The following RND2 variants were observed in gnomAD, a reference collection of about 807,000 sequenced individuals.
RND2 encodes the protein Rho family GTPase 2, also known as rho-related GTP-binding protein RhoN.
Under a neutral mutation model 25.9 loss-of-function variants are expected in RND2, and 16 were observed. The observed-to-expected ratio is 0.62, with a 90% CI of 0.42 to 0.94. The LOEUF (loss-of-function observed/expected upper bound fraction) is 0.94, where lower values mean the gene tolerates loss of function less well. Among genes scored for constraint, RND2 ranks in the 40% least tolerant of loss-of-function variants. The pLI is 0.00. For missense variants in RND2, 276 were observed against 305.5 expected (o/e 0.90, Z 0.72); for synonymous variants, 97 against 118.1 (o/e 0.82, Z 1.16).
Position 43,025,237 on chromosome 17 carries a change from C to T in RND2, c.-111C>T, listed in dbSNP as rs894753231. ...CCCGGGGCGGGGGCTCGGCGCGGGC[C>T]CGCGAGATGCCGGTGTTGGCGGCCC... On this transcript the variant is annotated 5_prime_UTR_variant, in exon 1 of 5. Transcript: ENST00000587250. 84 of 899,744 alleles carry T rather than the reference C, an allele frequency of 9.3e-5. No individual in the cohort carries two copies. The highest frequency in any genetic ancestry group is 1.2e-4 in the Non-Finnish European group (83 of 698,680). The allele number at this position is 899,744 out of a possible 1,614,324, so 55.7% of individuals were successfully genotyped here. A position where few individuals can be genotyped will look rare whatever the true frequency, so the allele number is the denominator to read the frequency against.
Position 43,025,960 on chromosome 17 carries a change from A to T in RND2, c.103A>T (p.Ser35Cys), listed in dbSNP as rs933623795. ...CATCTGGATCCATCCGTGTCTGCAGAGTTATGTCCCCACCGTGTTTGAGAA... is the reference window on the plus strand; with the variant it reads ...CATCTGGATCCATCCGTGTCTGCAGTGTTATGTCCCCACCGTGTTTGAGAA... ...QVFAKDAYPG[S>C]YVPTVFENYT... is the part of the protein sequence containing the mutation. The change falls in exon 2 of 5, where the codon AGT becomes TGT. Residue 35 changes from serine to cysteine, a missense_variant and splice_region_variant. Physicochemically the swap from Ser to Cys is moderately radical, Grantham distance 112. Transcript: ENST00000587250. 1.9e-6 allele frequency: 3 copies of T among 1,609,908 alleles called. No homozygotes were observed. In the African/African-American group the frequency reaches 4.0e-5, roughly 22 times the overall value.
rs1439263602 is a variant in RND2 at position 43,031,058 on chromosome 17, C to T, written c.*2378C>T. On this transcript the variant is annotated 3_prime_UTR_variant, in exon 5 of 5. Transcript: ENST00000587250. Reference sequence around the variant, plus strand: ...ATCGCTTGAGGCCAGGAGTTAGAGACTGCAGTGAGCTATGATCATGCCATT... The same window carrying T: ...ATCGCTTGAGGCCAGGAGTTAGAGATTGCAGTGAGCTATGATCATGCCATT... 1 of 152,142 alleles carries T rather than the reference C, an allele frequency of 6.6e-6. No homozygotes were observed. The highest frequency in any genetic ancestry group is 2.4e-5 in the African/African-American group (1 of 41,406). 9.4% of individuals were successfully genotyped at this position (152,142 alleles called of 1,614,324 possible).
rs899734979 is a variant in RND2, at chr17:43,031,130, T to C, written c.*2450T>C. The C allele has an allele frequency of 6.6e-6, 1 of 151,754 alleles. No homozygotes were observed. Among genetic ancestry groups the C allele is most frequent in the Non-Finnish European group, 1.5e-5 (1 of 67,918 alleles). The allele number at this position is 151,754 out of a possible 1,614,324, so 9.4% of individuals were successfully genotyped here. A position where few individuals can be genotyped will look rare whatever the true frequency, so the allele number is the denominator to read the frequency against. Reference sequence around the variant, plus strand: ...AGTGAGACCCTGTCTCTAAAAAAAATTAAAAAATAAAAAATAAAAAATAGC... The same window carrying C: ...AGTGAGACCCTGTCTCTAAAAAAAACTAAAAAATAAAAAATAAAAAATAGC... On this transcript the variant is annotated 3_prime_UTR_variant, in exon 5 of 5. Coordinates refer to ENST00000587250, the MANE Select transcript of RND2 (RefSeq NM_005440.5).
In RND2 at chr17:43,028,884, G is replaced by C; in HGVS notation, c.*204G>C. On this transcript the variant is annotated 3_prime_UTR_variant, in exon 5 of 5. Coordinates refer to ENST00000587250, the MANE Select transcript of RND2 (RefSeq NM_005440.5). ...CCTCCTCTTCTCCAGTGGATGTTGA[G>C]GGAGCTAACAGGGCTGGCATCTGGG... 1 of 753,372 alleles carries C rather than the reference G, an allele frequency of 1.3e-6. No individual in the cohort carries two copies. Among genetic ancestry groups the C allele is most frequent in the Non-Finnish European group, 2.1e-6 (1 of 483,446 alleles). The allele number at this position is 753,372 out of a possible 1,614,324, so 46.7% of individuals were successfully genotyped here.
intron 3 of RND2, 132 bp from the exon 4 acceptor site, chr17:43,027,929 T>C: frequency 9.5e-7 from 1 of 1,053,544 alleles, no homozygotes; most frequent in South Asian, 1.6e-5. Flanking sequence ...TCCTTCCTCA[T>C]GTGGGAGAGT....
Position 43,029,252 on chromosome 17 carries a change from C to T in RND2, c.*572C>T, listed in dbSNP as rs2050651660. ...AACGGCTGTGGCTTTAGTTTTGTTG[C>T]TTTTTAAAAAAATCAATCTACCAAT... On this transcript the variant is annotated 3_prime_UTR_variant, in exon 5 of 5. Transcript: ENST00000587250. 6.5e-6 allele frequency: 1 copy of T among 153,496 alleles called. No homozygotes were observed. Among genetic ancestry groups the T allele is most frequent in the South Asian group, 2.0e-4 (1 of 4,902 alleles). 9.5% of individuals were successfully genotyped at this position (153,496 alleles called of 1,614,324 possible).
In RND2 at chr17:43,028,573, G is replaced by A. The variant is rs2050644161; in HGVS notation, c.577G>A (p.Asp193Asn). The part of the protein sequence containing the change: ...GRGHRQLRRT[D>N]SRRGMQRSAQ... ...TGGCCATAGGCAGCTGCGCCGAACTGACTCACGCCGGGGAATGCAGCGATC... is the reference window on the plus strand; with the variant it reads ...TGGCCATAGGCAGCTGCGCCGAACTAACTCACGCCGGGGAATGCAGCGATC... The change falls in exon 5 of 5, where the codon GAC becomes AAC. Residue 193 changes from aspartate (D) to asparagine (N), a missense_variant. Physicochemically the swap from Asp to Asn is conservative, Grantham distance 23. Coordinates refer to ENST00000587250, the MANE Select transcript of RND2 (RefSeq NM_005440.5). 1 of 1,614,018 alleles carries A rather than the reference G, an allele frequency of 6.2e-7. No homozygotes were observed. Among genetic ancestry groups the A allele is most frequent in the Non-Finnish European group, 8.5e-7 (1 of 1,180,044 alleles).
Position 43,025,956 on chromosome 17 carries a change from G to T in RND2, c.103-4G>T. On this transcript the variant is annotated splice_polypyrimidine_tract_variant and splice_region_variant and intron_variant, in intron 1 of 4. Coordinates refer to ENST00000587250, the MANE Select transcript of RND2 (RefSeq NM_005440.5). Reference sequence around the variant, plus strand: ...ATCTCATCTGGATCCATCCGTGTCTGCAGAGTTATGTCCCCACCGTGTTTG... The same window carrying T: ...ATCTCATCTGGATCCATCCGTGTCTTCAGAGTTATGTCCCCACCGTGTTTG... The T allele has an allele frequency of 2.5e-6, 4 of 1,609,712 alleles. No homozygotes were observed. The highest frequency in any genetic ancestry group is 3.4e-6 in the Non-Finnish European group (4 of 1,176,348).
Position 43,028,448 on chromosome 17 carries a change from A to G in RND2, c.452A>G (p.Lys151Arg), listed in dbSNP as rs752552131. The G allele has an allele frequency of 1.2e-6, 2 of 1,614,006 alleles. No individual in the cohort carries two copies. The highest frequency in any genetic ancestry group is 1.7e-6 in the Non-Finnish European group (2 of 1,179,900). The change falls in exon 5 of 5, where the codon AAG becomes AGG. Residue 151 changes from lysine (K) to arginine (R), a missense_variant. Transcript: ENST00000587250. ...VTHEQGTVLA[K>R]QVGAVSYVEC... ...CTTTTCCAGGGCACTGTGCTGGCCA[A>G]GCAGGTGGGGGCTGTGTCCTATGTT...
At position 43,026,578 on chromosome 17, in the gene RND2, G is replaced by A. The variant is rs185642186; in HGVS notation, c.190+531G>A. Among the ~76,000 whole-genome samples, 102 of 152,336 alleles carry A rather than the reference G, an allele frequency of 6.7e-4. No individual in the cohort carries two copies. In the Middle Eastern group the frequency reaches 0.014, roughly 20 times the overall value. ...GCAAGAGAATCGCTGGAACCTGGGA[G>A]GCGGAGGCTGCAGTGAGCCGAGATC... On this transcript the variant is annotated intron_variant, in intron 2 of 4. Transcript: ENST00000587250.
Position 43,025,334 on chromosome 17 carries a change from G to A in RND2, c.-14G>A. ...GAGAGGGGTGGCGTGGGGGACCGGC[G>A]CGTAGCCGGGACCATGGAGGGGCAG... On this transcript the variant is annotated 5_prime_UTR_variant, in exon 1 of 5. Coordinates refer to ENST00000587250, the MANE Select transcript of RND2 (RefSeq NM_005440.5). 2 of 1,528,428 alleles carry A rather than the reference G, an allele frequency of 1.3e-6. No homozygotes were observed. The highest frequency in any genetic ancestry group is 1.2e-5 in the South Asian group (1 of 82,244). 94.7% of individuals were successfully genotyped at this position (1,528,428 alleles called of 1,614,324 possible).
rs370601120 is a variant in RND2, at chr17:43,028,577, C to T, written c.581C>T (p.Ser194Leu). Residue 194 changes from serine (S) to leucine (L), a missense_variant, in exon 5 of 5, where the codon TCA (serine) becomes TTA (leucine). Ser to Leu is a moderately radical substitution (Grantham distance 145, BLOSUM62 -2). Coordinates refer to ENST00000587250, the MANE Select transcript of RND2 (RefSeq NM_005440.5). ...RGHRQLRRTD[S>L]RRGMQRSAQL... ...CATAGGCAGCTGCGCCGAACTGACT[C>T]ACGCCGGGGAATGCAGCGATCCGCT... 2 of 1,614,046 alleles carry T rather than the reference C, an allele frequency of 1.2e-6. No homozygotes were observed. Among genetic ancestry groups the T allele is most frequent in the African/African-American group, 2.7e-5 (2 of 74,940 alleles).
Position 43,026,171 on chromosome 17 carries a change from A to G in RND2, c.190+124A>G, listed in dbSNP as rs1023050848. Reference sequence around the variant, plus strand: ...ATCCAATTCCAACAGGAAGGGAAAAATCAATATTCTGCTAAAATCCAGGGA... The same window carrying G: ...ATCCAATTCCAACAGGAAGGGAAAAGTCAATATTCTGCTAAAATCCAGGGA... On this transcript the variant is annotated intron_variant, in intron 2 of 4. Coordinates refer to ENST00000587250, the MANE Select transcript of RND2 (RefSeq NM_005440.5). 4 of 608,482 alleles carry G rather than the reference A, an allele frequency of 6.6e-6. No homozygotes were observed. The African/African-American group carries it at 7.3e-5, about 11-fold the overall frequency. The allele number at this position is 608,482 out of a possible 1,614,324, so 37.7% of individuals were successfully genotyped here.
chr17:43,026,804 A>G (rs762675127), intron 2 of RND2, among the ~76,000 whole-genome samples: 1 of 152,080 alleles, frequency 6.6e-6, no homozygotes, highest in Non-Finnish European at 1.5e-5. Flanking sequence ...CTCCCAACAT[A>G]AGGAGGGTTT....
Position 43,026,016 on chromosome 17 carries a change from C to T in RND2, c.159C>T (p.Arg53=). Residue 53 remains arginine, a synonymous_variant, in exon 2 of 5, where the codon CGC becomes CGT. Coordinates refer to ENST00000587250, the MANE Select transcript of RND2 (RefSeq NM_005440.5). ...CTGCGAGCTTTGAGATCGACAAGCG[C>T]CGCATTGAGCTCAACATGTGGGACA... The part of the protein sequence containing the change: ...NYTASFEIDK[R]RIELNMWDTS... 6.2e-7 allele frequency: 1 copy of T among 1,612,898 alleles called. No individual in the cohort carries two copies. The highest frequency in any genetic ancestry group is 8.5e-7 in the Non-Finnish European group (1 of 1,179,068).
At position 43,029,866 on chromosome 17, in the gene RND2, T is replaced by TGCATTCTA. The variant is rs2050658330; in HGVS notation, c.*1189_*1196dup. The stretch of plus-strand genomic sequence containing the variant: ...TTGCAGTGAGCCGAGATTGCGCCAC[T>TGCATTCTA]GCATTCTAGCCTGGATGACAGAGCA... On this transcript the variant is annotated 3_prime_UTR_variant, in exon 5 of 5. Transcript: ENST00000587250. The TGCATTCTA allele has an allele frequency of 1.5e-5, 2 of 132,444 alleles. No homozygotes were observed. The highest frequency in any genetic ancestry group is 3.0e-5 in the Non-Finnish European group (2 of 65,662). 8.2% of individuals were successfully genotyped at this position (132,444 alleles called of 1,614,324 possible). A position where few individuals can be genotyped will look rare whatever the true frequency, so the allele number is the denominator to read the frequency against.
In RND2 at chr17:43,028,565, G is replaced by A. The variant is rs1047064048; in HGVS notation, c.569G>A (p.Arg190His). The A allele has an allele frequency of 2.5e-6, 4 of 1,614,174 alleles. No individual in the cohort carries two copies. The highest frequency in any genetic ancestry group is 1.3e-5 in the African/African-American group (1 of 75,062). The change falls in exon 5 of 5, where the codon CGC becomes CAC. Residue 190 changes from arginine (R) to histidine (H), a missense_variant. Transcript: ENST00000587250. ...ASLGRGHRQL[R>H]RTDSRRGMQR... is the part of the protein sequence containing the mutation. The stretch of plus-strand genomic sequence containing the variant: ...CTTGGCCGTGGCCATAGGCAGCTGC[G>A]CCGAACTGACTCACGCCGGGGAATG...
chr17:43,026,943 A>C (rs2050627605), intron 2 of RND2, among the ~76,000 whole-genome samples: 1 of 152,212 alleles, frequency 6.6e-6, no homozygotes, highest in African/African-American at 2.4e-5. Flanking sequence ...TCAAGAATAA[A>C]AATTATTACT....
chr17:43,026,042 CT>C lies in RND2; in HGVS notation c.187del (p.Ser63GlnfsTer68). 6.2e-7 allele frequency: 1 copy of C among 1,607,178 alleles called. No individual in the cohort carries two copies. The highest frequency in any genetic ancestry group is 1.1e-5 in the South Asian group (1 of 90,960). On this transcript the variant is annotated frameshift_variant, in exon 2 of 5. Transcript: ENST00000587250. LOFTEE classifies it high-confidence loss of function. ...KRRIELNMWDTSGSSYYDNVR... is the reference protein window; with the variant it reads ...KRRIELNMWDXSGSSYYDNVR... Reference sequence around the variant, plus strand: ...CGCATTGAGCTCAACATGTGGGACACTTCAGGTAGCCAAGTCCCTGGGGGTC... The same window carrying C: ...CGCATTGAGCTCAACATGTGGGACACTCAGGTAGCCAAGTCCCTGGGGGTC...
Sources: gnomAD v4.1 joint callset for allele counts (sites outside exome capture counted in the v4.1 genomes callset) on GRCh38, gnomAD v4.1.1 for gene constraint, MANE v1.5 for transcripts, NCBI Gene and HGNC (gene_info 2026-07-23, HGNC 2026-07-21) for gene names.